SEC24B: variants seen among roughly 807,000 people sequenced by gnomAD.
The protein encoded by SEC24B is protein transport protein Sec24B.
In SEC24B, 45 loss-of-function variants were observed where a neutral mutation model predicts 142.8. That is an observed-to-expected ratio of 0.32 (90% confidence interval 0.25 to 0.40). SEC24B has a LOEUF of 0.40. Ranked by LOEUF, SEC24B falls within the 10% of genes least tolerant of loss-of-function variation. SEC24B has a pLI of 1.00. For missense variants in SEC24B, 1,409 were observed against 1,526.8 expected, an observed-to-expected ratio of 0.92 and a Z score of 1.29; for synonymous variants, 574 against 568.2, an observed-to-expected ratio of 1.01 and a Z score of -0.15.
chr4:109,445,635 C>A (rs960752857), intron 1 of SEC24B, among the ~76,000 whole-genome samples: 5 of 151,630 alleles, frequency 3.3e-5, no homozygotes, highest in African/African-American at 1.2e-4. Context: ...GTGGTGCAAT[C>A]TTGGCTCACT....
chr4:109,473,264 A>T, intron 3 of SEC24B, 78 bp downstream of exon 3: 2 of 998,872 alleles, frequency 2.0e-6, no homozygotes. Flanking sequence ...AAAGTTACTT[A>T]TAATCTCAAT....
In SEC24B at chr4:109,499,112, A is replaced by G. The variant is rs139126422; in HGVS notation, c.1488+4256A>G. Among the ~76,000 whole-genome samples, 9 of 152,324 alleles carry G rather than the reference A, an allele frequency of 5.9e-5. 1 individual carries two copies. Among genetic ancestry groups the G allele is most frequent in the East Asian group, 1.9e-4 (1 of 5,188 alleles). On this transcript the variant is annotated intron_variant, in intron 6 of 23. Coordinates refer to ENST00000265175, the MANE Select transcript of SEC24B (RefSeq NM_006323.5). ...TATTTCTACCAGGTTGTAAACAGCA[A>G]TGCTTGGAGTCTGTCCTTCCAGGTT...
At chr4:109,532,201 T>C (rs1725004780) in intron 20 of SEC24B, among the ~76,000 whole-genome samples, 1 of 152,206 alleles carries the variant, frequency 6.6e-6, no homozygotes, top group Non-Finnish European at 1.5e-5. Flanking sequence ...TTTGATTATA[T>C]AGTAAACCAA....
At chr4:109,478,699 A>G (rs947579414) in intron 3 of SEC24B, among the ~76,000 whole-genome samples, 5 of 152,200 alleles carry the variant, frequency 3.3e-5, no homozygotes, top group Non-Finnish European at 7.3e-5. Flanking sequence ...TGTGTACTGT[A>G]TAATAAGAGA....
intron 1 of SEC24B, among the ~76,000 whole-genome samples, chr4:109,441,882 C>G (rs1223581637): frequency 6.6e-6 from 1 of 152,174 alleles, no homozygotes; most frequent in Non-Finnish European, 1.5e-5. Flanking sequence ...GAACAGTTAC[C>G]TTCATCCTCA....
chr4:109,503,760 G>C (rs373959890), intron 6 of SEC24B, among the ~76,000 whole-genome samples: 1 of 151,898 alleles, frequency 6.6e-6, no homozygotes, highest in South Asian at 2.1e-4. Context: ...GTTTTTTTTA[G>C]TTCTTTGATG....
chr4:109,474,349 G>A lies in SEC24B; in HGVS notation c.1060+1163G>A, dbSNP rs887024477. Among the ~76,000 whole-genome samples, 5 of 151,448 alleles carry A rather than the reference G, an allele frequency of 3.3e-5. No individual in the cohort carries two copies. The East Asian group carries it at 9.7e-4, about 29-fold the overall frequency. On this transcript the variant is annotated intron_variant, in intron 3 of 23. Transcript: ENST00000265175. ...TTTCTTGTTTTTCCTCTACATTGAT[G>A]ACTGCCTTCCATTTCTTAAATGTTT...
intron 1 of SEC24B, among the ~76,000 whole-genome samples, chr4:109,447,775 T>C (rs1729620024): frequency 6.6e-6 from 1 of 152,166 alleles, no homozygotes; most frequent in Non-Finnish European, 1.5e-5. Flanking sequence ...TTTACTGCTG[T>C]AACAAATGAC....
rs11413496 is a variant in SEC24B, at chr4:109,497,555, C to CTT, written c.1488+2712_1488+2713dup. On this transcript the variant is annotated intron_variant, in intron 6 of 23. Coordinates refer to ENST00000265175, the MANE Select transcript of SEC24B (RefSeq NM_006323.5). ...TTAGAAAGCAACCATTCCCACCTTTCTTTTTTTTTTTTTTACATAATTGGA... is the reference window on the plus strand; with the variant it reads ...TTAGAAAGCAACCATTCCCACCTTTCTTTTTTTTTTTTTTTTACATAATTGGA... 2.5e-3 allele frequency among the ~76,000 whole-genome samples: 349 copies of CTT among 141,558 alleles called. 2 individuals carry two copies. The highest frequency in any genetic ancestry group is 8.1e-3 in the African/African-American group (321 of 39,636). 92.9% of individuals were successfully genotyped at this position (141,558 alleles called of 152,430 possible).
intron 18 of SEC24B, among the ~76,000 whole-genome samples, chr4:109,528,613 A>G (rs1032125613): frequency 2.0e-4 from 30 of 152,236 alleles, no homozygotes; most frequent in Middle Eastern, 3.4e-3. Flanking sequence ...TGTGGTAGAG[A>G]TTACATGGCT....
chr4:109,528,465 C>G (rs1438728568), intron 18 of SEC24B, among the ~76,000 whole-genome samples: 2 of 149,466 alleles, frequency 1.3e-5, no homozygotes, highest in Admixed American at 6.7e-5. Context: ...ACAAATGATT[C>G]TATATAAATG....
chr4:109,458,983 T>C (rs1256382703), intron 1 of SEC24B, among the ~76,000 whole-genome samples: 2 of 152,192 alleles, frequency 1.3e-5, no homozygotes, highest in African/African-American at 2.4e-5. Context: ...CAGCAGTCTT[T>C]TCATACATGC....
In SEC24B at chr4:109,494,409, TAAC is replaced by T. The variant is rs376456561; in HGVS notation, c.1247-203_1247-201del. 2.2e-3 allele frequency among the ~76,000 whole-genome samples: 330 copies of T among 152,268 alleles called. 3 individuals carry two copies. Among genetic ancestry groups the T allele is most frequent in the African/African-American group, 7.1e-3 (297 of 41,548 alleles). ...TAGTATGACAACATGTAAAACAAGA[TAAC>T]AAAATATTGATAATTATTGAAGCTT... On this transcript the variant is annotated intron_variant, in intron 5 of 23. Coordinates refer to ENST00000265175, the MANE Select transcript of SEC24B (RefSeq NM_006323.5).
chr4:109,439,496 T>TTTTTTTTTTTTTTTTTTTTTTG, intron 1 of SEC24B, among the ~76,000 whole-genome samples: 1 of 114,834 alleles, frequency 8.7e-6, no homozygotes, highest in Admixed American at 9.1e-5. Flanking sequence ...TTTTTTTTTT[T>TTTTTTTTTTTTTTTTTTTTTTG]TTTTTTTTTT....
intron 14 of SEC24B, 109 bp downstream of exon 14, chr4:109,521,735 T>A (rs1321119699): frequency 2.2e-6 from 2 of 914,370 alleles, no homozygotes; most frequent in East Asian, 5.3e-5. Flanking sequence ...TTTGTTTGTT[T>A]TTTGTTTCTT....
chr4:109,511,683 T>G (rs1737350472), intron 8 of SEC24B, among the ~76,000 whole-genome samples: 1 of 152,240 alleles, frequency 6.6e-6, no homozygotes, highest in Non-Finnish European at 1.5e-5. Context: ...CACTGTTATT[T>G]CTAAAGTTAA....
intron 1 of SEC24B, among the ~76,000 whole-genome samples, chr4:109,434,972 G>A (rs1376779494): frequency 6.6e-6 from 1 of 152,234 alleles, no homozygotes; most frequent in Non-Finnish European, 1.5e-5. Context: ...AGACTTCTTA[G>A]TATGTCAGAT....
At chr4:109,482,979 T>TACATACACACACACACACACAC (rs1554001100) in intron 4 of SEC24B, among the ~76,000 whole-genome samples, 2 of 26,418 alleles carry the variant, frequency 7.6e-5, no homozygotes, top group African/African-American at 2.4e-4. Flanking sequence ...TATATATATA[T>TACATACACACACACACACACAC]ACACACACAC....
intron 11 of SEC24B, 58 bp from the exon 12 acceptor site, chr4:109,520,308 C>T: frequency 2.0e-6 from 2 of 998,034 alleles, no homozygotes; most frequent in East Asian, 2.4e-5. Flanking sequence ...TCATTATTTT[C>T]TGAAATGAAA....
Sources: allele counts gnomAD v4.1 joint callset (sites outside exome capture counted in the v4.1 genomes callset), GRCh38; gene constraint gnomAD v4.1.1; transcripts MANE v1.5; gene names NCBI Gene and HGNC (gene_info 2026-07-23, HGNC 2026-07-21).